R3HDM2: variants seen among roughly 807,000 people sequenced by gnomAD.
The protein encoded by R3HDM2 is R3H domain containing 2.
A neutral mutation model predicts 124.5 loss-of-function variants in R3HDM2; 38 were observed. The ratio of observed to expected loss-of-function variants is 0.31; its 90% confidence interval spans 0.24 to 0.40. The LOEUF is 0.40. Among genes scored for constraint, R3HDM2 ranks in the 10% least tolerant of loss-of-function variants. R3HDM2 has a pLI of 1.00. For synonymous variants in R3HDM2, 391 were observed against 448.0 expected (o/e 0.87, Z 1.61); for missense variants, 869 against 1,236.9 (o/e 0.70, Z 4.46).
chr12:57,277,844 C>T (rs1185150395), intron 14 of R3HDM2, among the ~76,000 whole-genome samples: 7 of 152,080 alleles, frequency 4.6e-5, no homozygotes, highest in Non-Finnish European at 8.8e-5. Context: ...TGTTATGTAC[C>T]ATTAGAAACT....
rs376445725 is a variant in R3HDM2, at chr12:57,300,425, T to C, written c.208-244A>G. On this transcript the variant is annotated intron_variant, in intron 4 of 23. Transcript: ENST00000402412. ...ACAAACTGGCTACATGGACAGATGA[T>C]AGGAAACCATTTCACTCAGCCCTCT... 4.6e-5 allele frequency among the ~76,000 whole-genome samples: 7 copies of C among 152,290 alleles called. No individual in the cohort carries two copies. The South Asian group carries it at 8.3e-4, about 18-fold the overall frequency.
At chr12:57,340,229 C>T (rs1318732725) in intron 2 of R3HDM2, among the ~76,000 whole-genome samples, 1 of 152,148 alleles carries the variant, frequency 6.6e-6, no homozygotes, top group African/African-American at 2.4e-5. Context: ...TTTCTTCCCC[C>T]TCAAAGGCTA....
At chr12:57,409,065 A>G (rs1382242935) in intron 1 of R3HDM2, among the ~76,000 whole-genome samples, 6 of 152,110 alleles carry the variant, frequency 3.9e-5, no homozygotes, top group Middle Eastern at 3.4e-3. Context: ...CTGCTCATTA[A>G]TTGTTCATTT....
chr12:57,303,963 T>A (rs1253460512), intron 3 of R3HDM2, among the ~76,000 whole-genome samples: 2 of 152,010 alleles, frequency 1.3e-5, no homozygotes, highest in African/African-American at 2.4e-5. Flanking sequence ...TTTCCCCCAA[T>A]CCTGTTCACA....
chr12:57,428,542 C>G (rs1868603308), intron 1 of R3HDM2, among the ~76,000 whole-genome samples: 1 of 151,514 alleles, frequency 6.6e-6, no homozygotes, highest in African/African-American at 2.4e-5. Flanking sequence ...GTAGTCCCAG[C>G]TACCCAGGAG....
rs753347208 is a variant in R3HDM2 at position 57,296,310 on chromosome 12, G to T, written c.701+101C>A. On this transcript the variant is annotated intron_variant, in intron 9 of 23. Transcript: ENST00000402412. This position sits in a 1 kb window ranked among gnomAD's most constrained non-coding sequence, Gnocchi z 4.5. ...TGGGATTACAGGTGTGAGCCACCACGCCTGGCCATCTGCAAGAGACATCCT... is the reference window on the plus strand; with the variant it reads ...TGGGATTACAGGTGTGAGCCACCACTCCTGGCCATCTGCAAGAGACATCCT... 22 of 1,350,776 alleles carry T rather than the reference G, an allele frequency of 1.6e-5. No individual in the cohort carries two copies. Among genetic ancestry groups the T allele is most frequent in the Non-Finnish European group, 2.2e-5 (22 of 980,554 alleles). 83.7% of individuals were successfully genotyped at this position (1,350,776 alleles called of 1,614,324 possible).
intron 2 of R3HDM2, among the ~76,000 whole-genome samples, chr12:57,354,969 C>T (rs1489504110): frequency 2.6e-5 from 4 of 151,852 alleles, no homozygotes; most frequent in South Asian, 2.1e-4. Flanking sequence ...GGATTACAGG[C>T]ATGTGCCACC....
chr12:57,363,387 C>G (rs2062178672), intron 2 of R3HDM2, among the ~76,000 whole-genome samples: 1 of 152,006 alleles, frequency 6.6e-6, no homozygotes, highest in Non-Finnish European at 1.5e-5. Context: ...CTTTATCACC[C>G]CCAAAAGAAA....
intron 1 of R3HDM2, among the ~76,000 whole-genome samples, chr12:57,413,791 T>C (rs2069244284): frequency 6.6e-6 from 1 of 151,030 alleles, no homozygotes; most frequent in South Asian, 2.1e-4. Flanking sequence ...TTAGACACTT[T>C]ATTGCTCAAG....
At chr12:57,375,705 G>C (rs1226523762) in intron 2 of R3HDM2, among the ~76,000 whole-genome samples, 1 of 139,822 alleles carries the variant, frequency 7.2e-6, no homozygotes, top group Non-Finnish European at 1.5e-5. Context: ...ACGGAGTCTT[G>C]CTCTGTCGCC....
chr12:57,387,554 G>C (rs2066028831), intron 2 of R3HDM2, among the ~76,000 whole-genome samples: 1 of 152,262 alleles, frequency 6.6e-6, no homozygotes, highest in Admixed American at 6.5e-5. Context: ...AATTTTCTCA[G>C]TTTTAACTTC....
At chr12:57,288,343 A>C (rs373181160) in intron 12 of R3HDM2, among the ~76,000 whole-genome samples, 3 of 151,710 alleles carry the variant, frequency 2.0e-5, no homozygotes, top group East Asian at 3.9e-4. Context: ...ACATTGCCTC[A>C]AGAGAAAACT....
chr12:57,344,093 T>A (rs551945672), intron 2 of R3HDM2, among the ~76,000 whole-genome samples: 1 of 152,256 alleles, frequency 6.6e-6, no homozygotes, highest in Non-Finnish European at 1.5e-5. Context: ...GCATATAAAT[T>A]TTTTTCAGGT....
At chr12:57,414,098 C>T (rs2069301173) in intron 1 of R3HDM2, among the ~76,000 whole-genome samples, 1 of 151,452 alleles carries the variant, frequency 6.6e-6, no homozygotes, top group South Asian at 2.1e-4. Context: ...ATCCACCCAC[C>T]TCAGCCTCCC....
intron 2 of R3HDM2, among the ~76,000 whole-genome samples, chr12:57,356,974 C>T (rs1258855424): frequency 6.6e-6 from 1 of 151,806 alleles, no homozygotes; most frequent in Non-Finnish European, 1.5e-5. Flanking sequence ...GGCGTGGTGG[C>T]GGGCTATAGT....
rs554811337 is a variant in R3HDM2 at position 57,302,463 on chromosome 12, C to T, written c.207+713G>A. Among the ~76,000 whole-genome samples the T allele has an allele frequency of 4.7e-3, 711 of 151,180 alleles. 5 individuals carry two copies. Among genetic ancestry groups the T allele is most frequent in the Middle Eastern group, 0.01 (3 of 292 alleles). On this transcript the variant is annotated intron_variant, in intron 4 of 23. Coordinates refer to ENST00000402412, the MANE Select transcript of R3HDM2 (RefSeq NM_001394031.1). ...GGCAGATCACTTGAGGTCAGGAGTT[C>T]GAGACCAGCCTGACCAACATGGTGA...
chr12:57,261,857 G>C (rs1458966515), intron 19 of R3HDM2, among the ~76,000 whole-genome samples: 1 of 151,558 alleles, frequency 6.6e-6, no homozygotes, highest in African/African-American at 2.4e-5. Flanking sequence ...GGAAGTGGGA[G>C]GGGGGGTTGA....
chr12:57,285,076 T>G (rs1044515048), intron 12 of R3HDM2, among the ~76,000 whole-genome samples: 4 of 152,166 alleles, frequency 2.6e-5, no homozygotes, highest in Non-Finnish European at 5.9e-5. Flanking sequence ...TTACAAAGAT[T>G]TTGGTAGGTA....
intron 2 of R3HDM2, among the ~76,000 whole-genome samples, chr12:57,324,119 A>G (rs1318145710): frequency 6.6e-6 from 1 of 152,232 alleles, no homozygotes; most frequent in South Asian, 2.1e-4. Context: ...CCAGGCAACT[A>G]CATCTATCCT....
Sources: allele counts gnomAD v4.1 joint callset (sites outside exome capture counted in the v4.1 genomes callset), GRCh38; gene constraint gnomAD v4.1.1; non-coding constraint Gnocchi (gnomAD v3.1); transcripts MANE v1.5; gene names NCBI Gene and HGNC (gene_info 2026-07-23, HGNC 2026-07-21).